The following KYNU variants were observed in gnomAD, a reference collection of about 807,000 sequenced individuals.
The protein encoded by KYNU is kynureninase, also known as L-kynurenine hydrolase.
Under a neutral mutation model 59.2 loss-of-function variants are expected in KYNU, and 54 were observed. The observed-to-expected ratio is 0.91, with a 90% confidence interval of 0.73 to 1.14. KYNU has a LOEUF of 1.14. Ranked by LOEUF, KYNU falls within the 50% of genes most tolerant of loss-of-function variation. The pLI is 0.00. For missense variants in KYNU, 567 were observed against 554.4 expected (o/e 1.02, Z -0.23); for synonymous variants, 177 against 192.0 (o/e 0.92, Z 0.65).
At chr2:143,036,189 T>C (rs1686888813) in intron 12 of KYNU, among the ~76,000 whole-genome samples, 1 of 152,022 alleles carries the variant, frequency 6.6e-6, no homozygotes, top group South Asian at 2.1e-4. Flanking sequence ...TATAAAGAAA[T>C]AGCACTTGAA....
At chr2:142,891,949 G>C (rs1471711833) in intron 2 of KYNU, among the ~76,000 whole-genome samples, 3 of 151,068 alleles carry the variant, frequency 2.0e-5, no homozygotes. Context: ...GTCTCACTCT[G>C]TCACCCAGGC....
At chr2:142,886,082 G>A (rs1374084302) in intron 2 of KYNU, among the ~76,000 whole-genome samples, 1 of 152,068 alleles carries the variant, frequency 6.6e-6, no homozygotes, top group African/African-American at 2.4e-5. Context: ...TTAAAATAAT[G>A]TAGTAATCTG....
chr2:142,961,909 A>G (rs1684365969), intron 8 of KYNU, among the ~76,000 whole-genome samples: 1 of 152,214 alleles, frequency 6.6e-6, no homozygotes, highest in African/African-American at 2.4e-5. Flanking sequence ...TGTGAGATCT[A>G]GTTAATATAT....
Position 143,055,419 on chromosome 2 carries a change from A to G in KYNU, c.*13247A>G, listed in dbSNP as rs927425895. 6.6e-6 allele frequency: 1 copy of G among 152,140 alleles called. No individual in the cohort carries two copies. The highest frequency in any genetic ancestry group is 2.4e-5 in the African/African-American group (1 of 41,424). The allele number at this position is 152,140 out of a possible 1,614,324, so 9.4% of individuals were successfully genotyped here. On this transcript the variant is annotated 3_prime_UTR_variant, in exon 14 of 14. Transcript: ENST00000264170. ...TTCATCCTTACATCTTTCTCTAACTATTCCTTTTCTTCTGTCTTCCACTTT... is the reference window on the plus strand; with the variant it reads ...TTCATCCTTACATCTTTCTCTAACTGTTCCTTTTCTTCTGTCTTCCACTTT...
chr2:143,040,158 G>A (rs751728232), intron 12 of KYNU, among the ~76,000 whole-genome samples: 20 of 151,840 alleles, frequency 1.3e-4, no homozygotes, highest in Non-Finnish European at 2.2e-4. Flanking sequence ...CCTGCCACAG[G>A]TACATGATAT....
intron 2 of KYNU, among the ~76,000 whole-genome samples, chr2:142,916,942 G>C (rs1232447685): frequency 1.3e-5 from 2 of 152,168 alleles, no homozygotes; most frequent in South Asian, 2.1e-4. Flanking sequence ...TGAAGTGAGA[G>C]AGAAAACCAA....
rs556895594 is a variant in KYNU at position 142,977,241 on chromosome 2, C to A, written c.730-7843C>A. Among the ~76,000 whole-genome samples the A allele has an allele frequency of 3.9e-5, 6 of 152,058 alleles. No individual in the cohort carries two copies. In the East Asian group the frequency reaches 1.2e-3, roughly 29 times the overall value. On this transcript the variant is annotated intron_variant, in intron 8 of 13. Coordinates refer to ENST00000264170, the MANE Select transcript of KYNU (RefSeq NM_003937.3). Reference sequence around the variant, plus strand: ...GCCTTAGAATTTTAGCTGTGGTTTACAAAATTGAGGCTCAAATATTTTCTA... The same window carrying A: ...GCCTTAGAATTTTAGCTGTGGTTTAAAAAATTGAGGCTCAAATATTTTCTA...
intron 4 of KYNU, among the ~76,000 whole-genome samples, chr2:142,944,116 G>A (rs1683695738): frequency 6.6e-6 from 1 of 152,150 alleles, no homozygotes; most frequent in Non-Finnish European, 1.5e-5. Flanking sequence ...AACCCTGAAA[G>A]AACATTCTTA....
rs1261298625 is a variant in KYNU, at chr2:143,010,582, A to G, written c.903-19045A>G. Among the ~76,000 whole-genome samples the G allele has an allele frequency of 2.9e-5, 4 of 139,524 alleles. 1 individual carries two copies. The highest frequency in any genetic ancestry group is 4.6e-5 in the Non-Finnish European group (3 of 65,448). 91.5% of individuals were successfully genotyped at this position (139,524 alleles called of 152,430 possible). A position where few individuals can be genotyped will look rare whatever the true frequency, so the allele number is the denominator to read the frequency against. ...ACTACTTTAAAGTTCATATGGAACC[A>G]AAAAAGAGCCTGCATCACCAAGTCA... On this transcript the variant is annotated intron_variant, in intron 10 of 13. Coordinates refer to ENST00000264170, the MANE Select transcript of KYNU (RefSeq NM_003937.3).
At chr2:142,953,591 A>G (rs1201880507) in intron 4 of KYNU, among the ~76,000 whole-genome samples, 1 of 152,256 alleles carries the variant, frequency 6.6e-6, no homozygotes, top group African/African-American at 2.4e-5. Flanking sequence ...ATATCTATTT[A>G]GTATATCCAG....
At chr2:142,984,890 G>C (rs1685155064) in intron 8 of KYNU, among the ~76,000 whole-genome samples, 194 bp from the exon 9 acceptor site, 1 of 152,028 alleles carries the variant, frequency 6.6e-6, no homozygotes, top group African/African-American at 2.4e-5. Context: ...TTAGCATGAT[G>C]ACAATTGCTT....
At chr2:143,030,312 G>A (rs773227859) in intron 11 of KYNU, among the ~76,000 whole-genome samples, 22 of 152,064 alleles carry the variant, frequency 1.4e-4, no homozygotes, top group Non-Finnish European at 2.9e-5. Context: ...AGATAGAAGT[G>A]AAACTCTACC....
intron 10 of KYNU, among the ~76,000 whole-genome samples, chr2:143,028,848 CAAACAAAACAAAACA>C (rs113934733): frequency 2.0e-5 from 3 of 149,706 alleles, no homozygotes; most frequent in African/African-American, 4.9e-5. Flanking sequence ...AACTCTGTCT[CAAACAAAACAAAACA>C]AAACAAAACA....
At position 143,051,252 on chromosome 2, in the gene KYNU, C is replaced by T. The variant is rs1332471413; in HGVS notation, c.*9080C>T. Reference sequence around the variant, plus strand: ...TATCTATTTTTGATAACTTCATAGCCTTTAGTATAAAAACAGGTAGGCTTA... The same window carrying T: ...TATCTATTTTTGATAACTTCATAGCTTTTAGTATAAAAACAGGTAGGCTTA... On this transcript the variant is annotated 3_prime_UTR_variant, in exon 14 of 14. Transcript: ENST00000264170. 1 of 151,998 alleles carries T rather than the reference C, an allele frequency of 6.6e-6. No individual in the cohort carries two copies. The highest frequency in any genetic ancestry group is 2.1e-4 in the South Asian group (1 of 4,824). 9.4% of individuals were successfully genotyped at this position (151,998 alleles called of 1,614,324 possible). A position where few individuals can be genotyped will look rare whatever the true frequency, so the allele number is the denominator to read the frequency against.
At chr2:143,019,805 A>G (rs914844996) in intron 10 of KYNU, among the ~76,000 whole-genome samples, 3 of 151,908 alleles carry the variant, frequency 2.0e-5, no homozygotes, top group African/African-American at 7.2e-5. Context: ...CTTTAATGGG[A>G]GGCTTTTTAT....
chr2:142,942,419 AT>A lies in KYNU; in HGVS notation c.374-12389del, dbSNP rs1683635526. On this transcript the variant is annotated intron_variant, in intron 4 of 13. Transcript: ENST00000264170. The stretch of plus-strand genomic sequence containing the variant: ...ATCATTCTTCCTCAAATAGTTTTGT[AT>A]TACAATTTATCTGAAACCCTCTTTG... 8.5e-5 allele frequency among the ~76,000 whole-genome samples: 13 copies of A among 152,340 alleles called. No homozygotes were observed. In the South Asian group the frequency reaches 2.7e-3, roughly 32 times the overall value.
intron 4 of KYNU, among the ~76,000 whole-genome samples, chr2:142,941,168 C>A (rs1232851206): frequency 6.6e-6 from 1 of 152,140 alleles, no homozygotes; most frequent in Non-Finnish European, 1.5e-5. Context: ...TGATGGGCAG[C>A]CCCCCATAGT....
chr2:143,028,699 T>C (rs1686651416), intron 10 of KYNU, among the ~76,000 whole-genome samples: 1 of 151,290 alleles, frequency 6.6e-6, no homozygotes, highest in African/African-American at 2.4e-5. Context: ...TACAAAAAAG[T>C]TAGCCGGGCG....
Position 143,020,581 on chromosome 2 carries a change from A to G in KYNU, c.903-9046A>G, listed in dbSNP as rs1220263639. Among the ~76,000 whole-genome samples the G allele has an allele frequency of 3.3e-5, 5 of 152,164 alleles. 1 individual carries two copies. Among genetic ancestry groups the G allele is most frequent in the Admixed American group, 3.3e-4 (5 of 15,272 alleles). ...ATCCTGGCAAATGTTCTAAGTGCTG[A>G]TGAGAAATATGTGTATGCTAAAGTA... On this transcript the variant is annotated intron_variant, in intron 10 of 13. Transcript: ENST00000264170.
Sources: gnomAD v4.1 joint callset for allele counts (sites outside exome capture counted in the v4.1 genomes callset) on GRCh38, gnomAD v4.1.1 for gene constraint, MANE v1.5 for transcripts, NCBI Gene and HGNC (gene_info 2026-07-23, HGNC 2026-07-21) for gene names.